SLC13A4: variants seen among roughly 807,000 people sequenced by gnomAD.
SLC13A4 encodes solute carrier family 13 member 4.
A neutral mutation model predicts 72.7 loss-of-function variants in SLC13A4; 28 were observed. The ratio of observed to expected loss-of-function variants is 0.39; its 90% CI spans 0.29 to 0.53. The LOEUF (loss-of-function observed/expected upper bound fraction) is 0.53. SLC13A4 is among the 20% of genes least tolerant of loss of function. The pLI is 0.78. For synonymous variants in SLC13A4, 312 were observed against 325.5 expected (o/e 0.96, Z 0.45); for missense variants, 653 against 788.0 (o/e 0.83, Z 2.05).
At chr7:135,709,993 G>A (rs563478126) in intron 2 of SLC13A4, among the ~76,000 whole-genome samples, 11 of 152,304 alleles carry the variant, frequency 7.2e-5, no homozygotes, top group African/African-American at 2.6e-4. Context: ...AGAATAATAT[G>A]CAAAAGTAGA....
Position 135,721,486 on chromosome 7 carries a change from A to G in SLC13A4, c.137T>C (p.Val46Ala), listed in dbSNP as rs991058254. The change falls in exon 2 of 16, where the codon GTG (valine) becomes GCG (alanine). Residue 46 changes from valine to alanine, a missense_variant. By Grantham distance (64) the Val-to-Ala change is moderately conservative (BLOSUM62 0). Transcript: ENST00000682651. The stretch of plus-strand genomic sequence containing the variant: ...AGGCACTGCCTCCGACACCCAGTAC[A>G]CAGCAGTCACGATCAGCACGTAAGC... ...SCAYVLIVTA[V>A]YWVSEAVPLG... The G allele has an allele frequency of 3.1e-6, 5 of 1,614,028 alleles. No individual in the cohort carries two copies. The highest frequency in any genetic ancestry group is 3.3e-5 in the Admixed American group (2 of 60,002).
intron 5 of SLC13A4, chr7:135,704,051 G>C (rs951746073): frequency 1.3e-5 from 2 of 152,310 alleles, no homozygotes; most frequent in African/African-American, 4.8e-5. Context: ...TGGAGTTTGG[G>C]GATACATTTT....
At chr7:135,706,421 A>AAATGCCTGCC in intron 3 of SLC13A4, 121 bp from the exon 4 acceptor site, 1 of 1,030,516 alleles carries the variant, frequency 9.7e-7, no homozygotes, top group Non-Finnish European at 1.4e-6. Flanking sequence ...AAAGGCAGGC[A>AAATGCCTGCC]TTTGTCCTGC....
chr7:135,724,249 C>T (rs1011998920), intron 1 of SLC13A4, among the ~76,000 whole-genome samples: 17 of 152,168 alleles, frequency 1.1e-4, no homozygotes, highest in African/African-American at 4.1e-4. Context: ...AATCCCAGCA[C>T]TATGGGAGGC....
intron 2 of SLC13A4, among the ~76,000 whole-genome samples, chr7:135,711,039 A>C (rs1796288989): frequency 6.6e-6 from 1 of 152,276 alleles, no homozygotes. Context: ...AGCAGGAGGC[A>C]CTGCAGGATT....
At chr7:135,699,155 G>A (rs146920374) in intron 8 of SLC13A4, among the ~76,000 whole-genome samples, 5,301 of 152,196 alleles carry the variant, frequency 0.035, 108 homozygotes, top group Middle Eastern at 0.088. Flanking sequence ...TGCCCAGGCT[G>A]TTTTTGAACT....
intron 7 of SLC13A4, among the ~76,000 whole-genome samples, chr7:135,701,038 G>A (rs1796022107): frequency 6.6e-6 from 1 of 152,118 alleles, no homozygotes; most frequent in Admixed American, 6.5e-5. Flanking sequence ...TAGTTCCTTG[G>A]TCTTGGGTTA....
At chr7:135,687,154 C>G (rs1005756702) in intron 13 of SLC13A4, among the ~76,000 whole-genome samples, 1 of 152,206 alleles carries the variant, frequency 6.6e-6, no homozygotes, top group Non-Finnish European at 1.5e-5. Context: ...CCTCCCTCTC[C>G]TAAAAAATGA....
chr7:135,722,176 T>A (rs2129495490), intron 1 of SLC13A4, among the ~76,000 whole-genome samples: 1 of 152,294 alleles, frequency 6.6e-6, no homozygotes, highest in South Asian at 2.1e-4. Flanking sequence ...CCCAGGGGCT[T>A]CAGGCTGCAG....
intron 13 of SLC13A4, among the ~76,000 whole-genome samples, chr7:135,689,489 T>A (rs1352955221): frequency 6.6e-6 from 1 of 152,186 alleles, no homozygotes; most frequent in Non-Finnish European, 1.5e-5. Flanking sequence ...TTGGGTAATA[T>A]AACTACTCTA....
intron 2 of SLC13A4, among the ~76,000 whole-genome samples, chr7:135,718,178 G>A (rs1432946025): frequency 1.3e-5 from 2 of 151,956 alleles, no homozygotes; most frequent in Non-Finnish European, 2.9e-5. Context: ...GACAGTGAGA[G>A]CTCAGATACG....
intron 1 of SLC13A4, among the ~76,000 whole-genome samples, chr7:135,722,273 C>CAAACA (rs1554480534): frequency 2.6e-5 from 4 of 151,312 alleles, no homozygotes; most frequent in Middle Eastern, 3.4e-3. Flanking sequence ...AGCAAACAAA[C>CAAACA]AAAAAAAACA....
chr7:135,714,400 C>T (rs563105918), intron 2 of SLC13A4, among the ~76,000 whole-genome samples: 23 of 152,290 alleles, frequency 1.5e-4, no homozygotes, highest in African/African-American at 4.6e-4. Context: ...CTCTGAGCCA[C>T]GAGCCAAGGG....
At chr7:135,722,425 G>T (rs1379121635) in intron 1 of SLC13A4, among the ~76,000 whole-genome samples, 1 of 152,068 alleles carries the variant, frequency 6.6e-6, no homozygotes, top group Non-Finnish European at 1.5e-5. Context: ...AATCCAAAAG[G>T]TGGCTTCTGG....
Position 135,681,314 on chromosome 7 carries a change from A to T in SLC13A4, c.*249T>A, listed in dbSNP as rs1342100742. 2.6e-6 allele frequency: 1 copy of T among 382,920 alleles called. No homozygotes were observed. The highest frequency in any genetic ancestry group is 2.1e-5 in the African/African-American group (1 of 48,580). 23.7% of individuals were successfully genotyped at this position (382,920 alleles called of 1,614,324 possible). On this transcript the variant is annotated 3_prime_UTR_variant, in exon 16 of 16. Transcript: ENST00000682651. Reference sequence around the variant, plus strand: ...CTGTGAGCCTATGGCTTGTATTGAAACTTTAGGTTTTCTTGAGCTGTGGTG... The same window carrying T: ...CTGTGAGCCTATGGCTTGTATTGAATCTTTAGGTTTTCTTGAGCTGTGGTG...
At position 135,695,371 on chromosome 7, in the gene SLC13A4, C is replaced by T; in HGVS notation, c.1016G>A (p.Cys339Tyr). 6.2e-7 allele frequency: 1 copy of T among 1,613,944 alleles called. No homozygotes were observed. The highest frequency in any genetic ancestry group is 8.5e-7 in the Non-Finnish European group (1 of 1,179,900). Residue 339 changes from cysteine (C) to tyrosine (Y), a missense_variant, in exon 9 of 16, where the codon TGC becomes TAC. Coordinates refer to ENST00000682651, the MANE Select transcript of SLC13A4 (RefSeq NM_001318192.2). Reference sequence around the variant, plus strand: ...CTGAAAGGGCCCTGGAACTCACTTGCAGCCCAGGAACAGCCAGTGCATCCA... The same window carrying T: ...CTGAAAGGGCCCTGGAACTCACTTGTAGCCCAGGAACAGCCAGTGCATCCA... Reference protein sequence around the residue: ...WFWMHWLFLGCNFKETCSLSK... With the variant: ...WFWMHWLFLGYNFKETCSLSK...
At chr7:135,721,697 ATCC>A (rs1796553489) in intron 1 of SLC13A4, among the ~76,000 whole-genome samples, 174 bp from the exon 2 acceptor site, 1 of 152,174 alleles carries the variant, frequency 6.6e-6, no homozygotes, top group Non-Finnish European at 1.5e-5. Flanking sequence ...TGGTGAGTCC[ATCC>A]TTTGGTGGGT....
At chr7:135,717,733 T>G (rs1030818161) in intron 2 of SLC13A4, among the ~76,000 whole-genome samples, 1 of 152,212 alleles carries the variant, frequency 6.6e-6, no homozygotes, top group Non-Finnish European at 1.5e-5. Flanking sequence ...GGTGCCCAGA[T>G]TAAGCATTGC....
intron 2 of SLC13A4, among the ~76,000 whole-genome samples, chr7:135,719,707 A>G (rs1033260947): frequency 1.3e-5 from 2 of 152,004 alleles, no homozygotes; most frequent in African/African-American, 2.4e-5. Flanking sequence ...ATCTCCAGGA[A>G]TGAAAGCACT....
Sources: gnomAD v4.1 joint callset for allele counts (sites outside exome capture counted in the v4.1 genomes callset) on GRCh38, gnomAD v4.1.1 for gene constraint, MANE v1.5 for transcripts, NCBI Gene and HGNC (gene_info 2026-07-23, HGNC 2026-07-21) for gene names.